Variants in PATJ observed in about 807,000 individuals in gnomAD.
PATJ encodes the protein PATJ crumbs cell polarity complex component.
In PATJ, 190 loss-of-function variants were observed where a neutral mutation model predicts 224.9. The observed-to-expected ratio is 0.84, with a 90% confidence interval of 0.75 to 0.95. The LOEUF is 0.95. Among genes scored for constraint, PATJ ranks in the 40% least tolerant of loss-of-function variants. The probability of loss-of-function intolerance (pLI) is 0.00; values close to 1 mark genes in which losing one functional copy is unlikely to be tolerated. For synonymous variants in PATJ, 769 were observed against 820.3 expected (o/e 0.94, Z 1.07); for missense variants, 2,121 against 2,270.3 (o/e 0.93, Z 1.34).
At chr1:62,059,770 A>G (rs1167990116) in intron 31 of PATJ, among the ~76,000 whole-genome samples, 1 of 152,238 alleles carries the variant, frequency 6.6e-6, no homozygotes, top group African/African-American at 2.4e-5. Flanking sequence ...ATGAAAGTTA[A>G]TAATGACTGA....
chr1:62,080,560 G>T (rs1659123705), intron 32 of PATJ, among the ~76,000 whole-genome samples: 1 of 152,084 alleles, frequency 6.6e-6, no homozygotes, highest in East Asian at 1.9e-4. Flanking sequence ...TCAAACTCTT[G>T]ACCTCAAGTG....
chr1:61,949,938 G>A (rs1679375661), intron 27 of PATJ, among the ~76,000 whole-genome samples: 1 of 144,192 alleles, frequency 6.9e-6, no homozygotes, highest in Non-Finnish European at 1.5e-5. Flanking sequence ...GGTGGCTCAT[G>A]CCTGTAATCC....
chr1:62,031,828 T>C (rs1222858313), intron 29 of PATJ, among the ~76,000 whole-genome samples: 2 of 152,188 alleles, frequency 1.3e-5, no homozygotes, highest in Non-Finnish European at 2.9e-5. Flanking sequence ...AAAAAAATAA[T>C]TCTAACTACT....
chr1:61,812,429 AGAGAGTGT>A (rs1655028549), intron 14 of PATJ, among the ~76,000 whole-genome samples: 2 of 111,376 alleles, frequency 1.8e-5, no homozygotes, highest in Middle Eastern at 3.9e-3. Flanking sequence ...AGAGAGAGAG[AGAGAGTGT>A]GTGTGTGTGT....
chr1:61,857,442 C>T (rs1446872772), intron 18 of PATJ, among the ~76,000 whole-genome samples: 2 of 152,206 alleles, frequency 1.3e-5, no homozygotes, highest in Non-Finnish European at 2.9e-5. Flanking sequence ...AATGTGCACC[C>T]AGCAGGGCAC....
chr1:61,990,422 T>C, intron 28 of PATJ, 58 bp downstream of exon 28: 2 of 1,234,142 alleles, frequency 1.6e-6, no homozygotes, highest in Non-Finnish European at 2.2e-6. Flanking sequence ...GCAGTGGATG[T>C]TGTATAGGAA....
At chr1:62,093,434 C>T (rs1031947393) in intron 33 of PATJ, among the ~76,000 whole-genome samples, 1 of 152,094 alleles carries the variant, frequency 6.6e-6, no homozygotes, top group African/African-American at 2.4e-5. Context: ...TTTTGTTATT[C>T]CCCCTGACGT....
chr1:62,021,887 A>G (rs553643579), intron 29 of PATJ, among the ~76,000 whole-genome samples: 3 of 152,304 alleles, frequency 2.0e-5, no homozygotes, highest in South Asian at 2.1e-4. Flanking sequence ...CATAACTTGT[A>G]CTGTGTTATA....
intron 14 of PATJ, among the ~76,000 whole-genome samples, chr1:61,817,573 A>C (rs969138192): frequency 6.6e-6 from 1 of 152,202 alleles, no homozygotes; most frequent in East Asian, 1.9e-4. Flanking sequence ...TTAAGGCAGA[A>C]TCACTTGAAC....
In PATJ at chr1:61,934,697, A is replaced by G. The variant is rs189646370; in HGVS notation, c.3670+6868A>G. On this transcript the variant is annotated intron_variant, in intron 27 of 43. Coordinates refer to ENST00000642238, the MANE Select transcript of PATJ (RefSeq NM_001350145.3). ...ATTTTAATGTACTTACTAGATTAAT[A>G]TCTGTCTTCCCCACTTAACACTCTA... is the stretch of plus-strand genomic sequence containing the variant. Among the ~76,000 whole-genome samples, 143 of 152,222 alleles carry G rather than the reference A, an allele frequency of 9.4e-4. 1 individual carries two copies. The highest frequency in any genetic ancestry group is 3.3e-3 in the African/African-American group (137 of 41,520).
At chr1:61,857,243 A>G (rs1002231176) in intron 18 of PATJ, among the ~76,000 whole-genome samples, 1 of 152,188 alleles carries the variant, frequency 6.6e-6, no homozygotes, top group African/African-American at 2.4e-5. Context: ...AGCCAGTTTT[A>G]TTATTATTAA....
chr1:61,816,972 C>T (rs1340485307), intron 14 of PATJ, among the ~76,000 whole-genome samples: 1 of 152,098 alleles, frequency 6.6e-6, no homozygotes. Flanking sequence ...CCTTTCTTGC[C>T]TCACTCCGTA....
intron 23 of PATJ, among the ~76,000 whole-genome samples, chr1:61,900,482 C>T (rs927996474): frequency 2.0e-5 from 3 of 152,166 alleles, no homozygotes. Context: ...AGAGTTAAAC[C>T]TGCTGACTGG....
intron 27 of PATJ, among the ~76,000 whole-genome samples, chr1:61,986,608 A>G (rs11207892): frequency 0.03 from 4,615 of 151,922 alleles, 291 homozygotes; most frequent in African/African-American, 0.11. Flanking sequence ...TTTTGTACAA[A>G]CGGGGTCTCG....
intron 41 of PATJ, among the ~76,000 whole-genome samples, chr1:62,135,310 G>T (rs1259318779): frequency 2.0e-5 from 3 of 152,000 alleles, no homozygotes; most frequent in Non-Finnish European, 2.9e-5. Flanking sequence ...TTCAGGTCAG[G>T]AGTTCAAGAC....
intron 16 of PATJ, among the ~76,000 whole-genome samples, chr1:61,828,211 C>G (rs1486647653): frequency 6.6e-6 from 1 of 150,978 alleles, no homozygotes; most frequent in African/African-American, 2.4e-5. Flanking sequence ...CCATTGCACT[C>G]CAGCTTGGGC....
At chr1:61,850,687 C>G (rs1662679833) in intron 17 of PATJ, among the ~76,000 whole-genome samples, 1 of 152,232 alleles carries the variant, frequency 6.6e-6, no homozygotes, top group Non-Finnish European at 1.5e-5. Flanking sequence ...AGCACAAACT[C>G]TGGGAATTGA....
intron 17 of PATJ, among the ~76,000 whole-genome samples, chr1:61,839,568 T>C (rs12138991): frequency 0.19 from 29,264 of 152,026 alleles, 3,695 homozygotes; most frequent in East Asian, 0.48. Flanking sequence ...GGATTTTACC[T>C]TCAGTTGACC....
At chr1:61,911,359 G>T (rs947458136) in intron 25 of PATJ, among the ~76,000 whole-genome samples, 7 of 151,954 alleles carry the variant, frequency 4.6e-5, no homozygotes, top group Non-Finnish European at 8.8e-5. Context: ...GATTACAGGT[G>T]CATGCCACCA....
Sources: gnomAD v4.1 joint callset for allele counts (sites outside exome capture counted in the v4.1 genomes callset) on GRCh38, gnomAD v4.1.1 for gene constraint, MANE v1.5 for transcripts, NCBI Gene and HGNC (gene_info 2026-07-23, HGNC 2026-07-21) for gene names.